CAST: variants seen among roughly 807,000 people sequenced by gnomAD.
CAST encodes MIR583 host.
In CAST, 76 loss-of-function variants were observed where a neutral mutation model predicts 119.6. That is an observed-to-expected ratio of 0.64 (90% CI 0.53 to 0.77). The LOEUF (loss-of-function observed/expected upper bound fraction) is 0.77, where lower values mean the gene tolerates loss of function less well. Among genes scored for constraint, CAST ranks in the 30% least tolerant of loss-of-function variants. The pLI is 0.00. For missense variants in CAST, 953 were observed against 946.5 expected (o/e 1.01, Z -0.09); for synonymous variants, 319 against 331.6 (o/e 0.96, Z 0.41).
the CAST span, among the ~76,000 whole-genome samples, chr5:96,198,471 C>T: frequency 3.3e-5 from 5 of 152,100 alleles, no homozygotes; most frequent in African/African-American, 1.2e-4. Flanking sequence ...GAAAGCAGCG[C>T]TCCCCAAGCT....
the CAST span, among the ~76,000 whole-genome samples, chr5:96,427,308 TC>T: frequency 1.8e-4 from 28 of 152,358 alleles, no homozygotes; most frequent in East Asian, 1.5e-3. Flanking sequence ...TGTCATTAAC[TC>T]AGAATCATGT....
At chr5:96,241,908 G>A in the CAST span, among the ~76,000 whole-genome samples, 1 of 142,336 alleles carries the variant, frequency 7.0e-6, no homozygotes, top group Admixed American at 7.0e-5. Flanking sequence ...TTTTGATGGG[G>A]TTGTTTGTTT....
At chr5:96,203,715 G>A in the CAST span, among the ~76,000 whole-genome samples, 2 of 151,914 alleles carry the variant, frequency 1.3e-5, no homozygotes, top group East Asian at 1.9e-4. Flanking sequence ...TAAACTCATG[G>A]ATCACTTGAT....
the CAST span, among the ~76,000 whole-genome samples, chr5:96,325,920 A>T: frequency 1.3e-5 from 2 of 152,234 alleles, no homozygotes; most frequent in Non-Finnish European, 2.9e-5. Flanking sequence ...TTGGCGATCC[A>T]CATGATACAT....
the CAST span, among the ~76,000 whole-genome samples, chr5:96,370,316 C>T: frequency 2.6e-5 from 4 of 151,888 alleles, no homozygotes; most frequent in South Asian, 2.1e-4. Context: ...GATGAAACAG[C>T]GACTGTAATA....
rs945158544 is a variant in CAST at position 96,747,258 on chromosome 5, A to G, written c.1285-87A>G. The G allele has an allele frequency of 6.8e-6, 5 of 734,628 alleles. No individual in the cohort carries two copies. The African/African-American group carries it at 7.1e-5, about 10-fold the overall frequency. 45.5% of individuals were successfully genotyped at this position (734,628 alleles called of 1,614,324 possible). A position where few individuals can be genotyped will look rare whatever the true frequency, so the allele number is the denominator to read the frequency against. On this transcript the variant is annotated intron_variant, in intron 17 of 31. Transcript: ENST00000675179. ...AGAAAAAAATTAGCTGACATTTCATATCCTGGAATTCCCAGAAACAAACTT... is the reference window on the plus strand; with the variant it reads ...AGAAAAAAATTAGCTGACATTTCATGTCCTGGAATTCCCAGAAACAAACTT...
the CAST span, among the ~76,000 whole-genome samples, chr5:96,311,589 A>G: frequency 1.3e-5 from 2 of 152,048 alleles, no homozygotes; most frequent in Non-Finnish European, 2.9e-5. Context: ...TGTTGGGTGC[A>G]TATGCATATA....
the CAST span, among the ~76,000 whole-genome samples, chr5:96,037,859 G>A: frequency 3.9e-5 from 6 of 152,232 alleles, no homozygotes; most frequent in African/African-American, 1.4e-4. Flanking sequence ...ATCTAAGATG[G>A]CTTCCTGATG....
At chr5:96,171,733 A>G in the CAST span, among the ~76,000 whole-genome samples, 1 of 152,230 alleles carries the variant, frequency 6.6e-6, no homozygotes. Flanking sequence ...GCCAAGATTG[A>G]AAGGAGAAAG....
At chr5:96,392,694 G>T in the CAST span, 4 of 316,584 alleles carry the variant, frequency 1.3e-5, no homozygotes, top group Non-Finnish European at 1.7e-5. Flanking sequence ...ATTGAAATGG[G>T]CTCTAATGCA....
the CAST span, among the ~76,000 whole-genome samples, chr5:96,381,115 G>A: frequency 0.31 from 46,546 of 151,976 alleles, 7,834 homozygotes; most frequent in Admixed American, 0.42. Flanking sequence ...GTTGAATGCT[G>A]AAGTACATAT....
chr5:96,727,429 A>G, intron 5 of CAST, 60 bp from the exon 6 acceptor site: 1 of 893,080 alleles, frequency 1.1e-6, no homozygotes, highest in Middle Eastern at 3.0e-4. Context: ...TAGTCTTTGT[A>G]AACTATGTCT....
the CAST span, among the ~76,000 whole-genome samples, chr5:96,471,574 G>A: frequency 3.9e-5 from 6 of 152,036 alleles, no homozygotes; most frequent in African/African-American, 1.4e-4. Flanking sequence ...CACTACATTT[G>A]TTGCCAGTCC....
chr5:96,587,934 G>A (rs1267639277), intron 1 of CAST, among the ~76,000 whole-genome samples: 2 of 152,080 alleles, frequency 1.3e-5, no homozygotes, highest in Non-Finnish European at 2.9e-5. Context: ...GATCATATGT[G>A]CAAAGTGCCT....
the CAST span, among the ~76,000 whole-genome samples, chr5:96,442,705 G>A: frequency 6.6e-6 from 1 of 152,184 alleles, no homozygotes; most frequent in Non-Finnish European, 1.5e-5. Flanking sequence ...CTGAGGCCCA[G>A]GAATCTACAA....
At chr5:96,505,668 G>A in the CAST span, among the ~76,000 whole-genome samples, 1 of 152,172 alleles carries the variant, frequency 6.6e-6, no homozygotes, top group African/African-American at 2.4e-5. Flanking sequence ...TCTGTGCACT[G>A]AGCCTGAAGG....
At chr5:96,235,825 A>G in the CAST span, among the ~76,000 whole-genome samples, 1 of 152,120 alleles carries the variant, frequency 6.6e-6, no homozygotes, top group Admixed American at 6.5e-5. Context: ...CAGGAGCCGG[A>G]GCCTATTTTC....
chr5:96,137,140 GA>G, the CAST span, among the ~76,000 whole-genome samples: 3 of 152,178 alleles, frequency 2.0e-5, no homozygotes, highest in African/African-American at 4.8e-5. Context: ...CAGTAATACA[GA>G]GGATAGTTTC....
At chr5:96,246,206 G>A in the CAST span, among the ~76,000 whole-genome samples, 1 of 1,444 alleles carries the variant, frequency 6.9e-4, no homozygotes. Context: ...TTTTTGAGAC[G>A]GAGTCTTGCT....
Sources: allele counts gnomAD v4.1 joint callset (sites outside exome capture counted in the v4.1 genomes callset), GRCh38; gene constraint gnomAD v4.1.1; transcripts MANE v1.5; gene names NCBI Gene and HGNC (gene_info 2026-07-23, HGNC 2026-07-21).